The following PAH variants were observed in gnomAD, a reference collection of about 807,000 sequenced individuals.
The protein encoded by PAH is phenylalanine hydroxylase.
In PAH, 64 loss-of-function variants were observed where a neutral mutation model predicts 62.0. The observed-to-expected ratio is 1.03, with a 90% CI of 0.84 to 1.27. PAH has a LOEUF of 1.27. Ranked by LOEUF, PAH falls within the 50% of genes most tolerant of loss-of-function variation. The pLI is 0.00. For missense variants in PAH, 579 were observed against 542.8 expected, an observed-to-expected ratio of 1.07 and a Z score of -0.66; for synonymous variants, 195 against 196.2, an observed-to-expected ratio of 0.99 and a Z score of 0.05.
At chr12:102,939,069 G>A (rs987693822) in intron 1 of PAH, among the ~76,000 whole-genome samples, 27 of 152,034 alleles carry the variant, frequency 1.8e-4, no homozygotes, top group African/African-American at 6.3e-4. Flanking sequence ...ACCATACAGA[G>A]AGGAGCCCAG....
At chr12:102,873,203 G>T (rs181553447) in intron 4 of PAH, among the ~76,000 whole-genome samples, 3 of 152,292 alleles carry the variant, frequency 2.0e-5, no homozygotes, top group East Asian at 3.9e-4. Flanking sequence ...TTCAGAGAAC[G>T]TTGCTAAACT....
chr12:102,901,217 T>A (rs1467816101), intron 2 of PAH, among the ~76,000 whole-genome samples: 1 of 152,208 alleles, frequency 6.6e-6, no homozygotes, highest in Non-Finnish European at 1.5e-5. Context: ...CTCCTCCTCC[T>A]CCTCTATCTT....
chr12:102,843,251 T>C (rs1364702991), intron 11 of PAH, among the ~76,000 whole-genome samples: 1 of 151,994 alleles, frequency 6.6e-6, no homozygotes, highest in Non-Finnish European at 1.5e-5. Flanking sequence ...GAAAGACATA[T>C]AGAGATTAAA....
intron 2 of PAH, among the ~76,000 whole-genome samples, chr12:102,904,340 C>T (rs1877885487): frequency 1.3e-5 from 2 of 152,144 alleles, no homozygotes; most frequent in South Asian, 2.1e-4. Flanking sequence ...GTTTGGAGTT[C>T]ATAACTCTAA....
At chr12:102,924,063 C>A (rs17842962) in intron 1 of PAH, among the ~76,000 whole-genome samples, 22,855 of 152,140 alleles carry the variant, frequency 0.15, 1,791 homozygotes, top group African/African-American at 0.16. Context: ...TTCTTTTTAA[C>A]CACCCTAACT....
intron 2 of PAH, among the ~76,000 whole-genome samples, chr12:102,912,471 G>A (rs747403636): frequency 6.6e-6 from 1 of 151,862 alleles, no homozygotes; most frequent in African/African-American, 2.4e-5. Flanking sequence ...ATGTAATCAC[G>A]TGTCACATAT....
intron 1 of PAH, among the ~76,000 whole-genome samples, chr12:102,923,219 T>C (rs557729370): frequency 6.6e-6 from 1 of 152,282 alleles, no homozygotes; most frequent in East Asian, 1.9e-4. Context: ...TACACACTTG[T>C]GGATGATAAT....
chr12:102,874,225 G>A lies in PAH; in HGVS notation c.441+3237C>T, dbSNP rs191252016. Among the ~76,000 whole-genome samples the A allele has an allele frequency of 2.6e-3, 396 of 152,302 alleles. 2 individuals carry two copies. The highest frequency in any genetic ancestry group is 8.7e-3 in the African/African-American group (363 of 41,562). ...GGGTTGGCAAGAAAAAACATGTCAGGTAAAGGGAACAACATGGACAGAAAG... is the reference window on the plus strand; with the variant it reads ...GGGTTGGCAAGAAAAAACATGTCAGATAAAGGGAACAACATGGACAGAAAG... On this transcript the variant is annotated intron_variant, in intron 4 of 12. Transcript: ENST00000553106.
intron 1 of PAH, among the ~76,000 whole-genome samples, chr12:102,930,123 A>G (rs77428786): frequency 0.032 from 4,817 of 152,302 alleles, 264 homozygotes; most frequent in African/African-American, 0.11. Context: ...TAAAAATGAG[A>G]AAATAAACTG....
intron 1 of PAH, among the ~76,000 whole-genome samples, chr12:102,942,587 A>T (rs7298252): frequency 0.032 from 4,803 of 152,216 alleles, 259 homozygotes; most frequent in African/African-American, 0.11. Flanking sequence ...TATGAAACCA[A>T]AAAAGAACCT....
chr12:102,958,356 G>C (rs1054527326), exon 1 of PAH: 36 of 1,427,702 alleles, frequency 2.5e-5, no homozygotes, highest in Non-Finnish European at 3.2e-5. Context: ...GGCCGCAGCC[G>C]CGGCGGCCGC....
chr12:102,890,292 G>A (rs1466122095), intron 3 of PAH, among the ~76,000 whole-genome samples: 1 of 152,140 alleles, frequency 6.6e-6, no homozygotes, highest in East Asian at 1.9e-4. Context: ...AGGGCATTTT[G>A]TCCGGAGAAA....
At chr12:102,906,864 AG>A (rs1877998807) in intron 2 of PAH, among the ~76,000 whole-genome samples, 1 of 152,232 alleles carries the variant, frequency 6.6e-6, no homozygotes, top group South Asian at 2.1e-4. Context: ...GCTTACTGAA[AG>A]AGGCTGCAGA....
chr12:102,853,029 G>C (rs1875253581), intron 6 of PAH, 79 bp from the exon 7 acceptor site: 11 of 1,495,602 alleles, frequency 7.4e-6, no homozygotes, highest in Non-Finnish European at 1.0e-5. Flanking sequence ...AGGTAGTGGA[G>C]TAGTACACAT....
chr12:102,904,692 T>C, intron 2 of PAH: 1 of 471,330 alleles, frequency 2.1e-6, no homozygotes, highest in Admixed American at 2.3e-5. Flanking sequence ...TAATTTCATT[T>C]TATAGGGTCC....
intron 2 of PAH, among the ~76,000 whole-genome samples, chr12:102,908,666 T>C (rs1278563106): frequency 1.3e-5 from 2 of 152,030 alleles, no homozygotes; most frequent in African/African-American, 2.4e-5. Context: ...TATGAACATA[T>C]GAACATCTTA....
At chr12:102,913,378 T>G (rs1878274966) in intron 1 of PAH, among the ~76,000 whole-genome samples, 1 of 152,140 alleles carries the variant, frequency 6.6e-6, no homozygotes, top group African/African-American at 2.4e-5. Context: ...TGGAAAGTAC[T>G]AAAAATGGAA....
chr12:102,880,384 A>G (rs779242460), intron 3 of PAH, among the ~76,000 whole-genome samples: 2 of 152,146 alleles, frequency 1.3e-5, no homozygotes, highest in Non-Finnish European at 2.9e-5. Flanking sequence ...TCTCCAGGAC[A>G]TTGCCACCAA....
At chr12:102,862,770 A>G (rs1022374835) in intron 5 of PAH, among the ~76,000 whole-genome samples, 3 of 152,176 alleles carry the variant, frequency 2.0e-5, no homozygotes, top group Non-Finnish European at 4.4e-5. Context: ...ATTAGGCTCC[A>G]GATTAGGTCT....
Sources: allele counts gnomAD v4.1 joint callset (sites outside exome capture counted in the v4.1 genomes callset), GRCh38; gene constraint gnomAD v4.1.1; transcripts MANE v1.5; gene names NCBI Gene and HGNC (gene_info 2026-07-23, HGNC 2026-07-21).